The following RTL4 variants were observed in gnomAD, a reference collection of about 807,000 sequenced individuals.
RTL4 encodes retrotransposon Gag like 4.
A neutral mutation model predicts 5.3 loss-of-function variants in RTL4; 4 were observed. The observed-to-expected ratio is 0.75, with a 90% CI of 0.37 to 1.72. RTL4 has a LOEUF of 1.72. Among genes scored for constraint, RTL4 ranks in the 40% most tolerant of loss-of-function variants. RTL4 has a pLI of 0.04. For synonymous variants in RTL4, 98 were observed against 87.3 expected (o/e 1.12, Z -0.68); for missense variants, 260 against 227.1 (o/e 1.14, Z -0.93).
At chrX:112,113,022 T>C in the RTL4 span, among the ~76,000 whole-genome samples, 3 of 111,768 alleles carry the variant, frequency 2.7e-5, no homozygotes, top group African/African-American at 6.5e-5. Flanking sequence ...CCACTGACCT[T>C]TCAGTTTTTG....
the RTL4 span, among the ~76,000 whole-genome samples, chrX:112,232,505 A>T: frequency 1.8e-5 from 2 of 111,401 alleles, no homozygotes; most frequent in African/African-American, 6.5e-5. Flanking sequence ...AGTTTATTTG[A>T]CTCTTAGTGA....
At chrX:112,165,552 T>C in the RTL4 span, among the ~76,000 whole-genome samples, 2 of 111,812 alleles carry the variant, frequency 1.8e-5, no homozygotes, top group Non-Finnish European at 3.8e-5. Flanking sequence ...TGAAATCTTA[T>C]CCCCTGCAGA....
At chrX:112,087,925 C>T in the RTL4 span, among the ~76,000 whole-genome samples, 27 of 111,301 alleles carry the variant, frequency 2.4e-4, no homozygotes, top group African/African-American at 8.2e-4. Context: ...TCATCTTAAA[C>T]TATACAATTT....
At chrX:112,092,781 GCT>G in the RTL4 span, among the ~76,000 whole-genome samples, 1 of 110,910 alleles carries the variant, frequency 9.0e-6, no homozygotes, top group Non-Finnish European at 1.9e-5. Flanking sequence ...CTCTGCACAA[GCT>G]CTCTCTTTGC....
At chrX:112,095,776 G>A in the RTL4 span, among the ~76,000 whole-genome samples, 2 of 111,398 alleles carry the variant, frequency 1.8e-5, no homozygotes, top group African/African-American at 6.5e-5. Context: ...AAGAGTGGGT[G>A]GCTGAGGTAC....
chrX:112,354,904 G>T, the RTL4 span, among the ~76,000 whole-genome samples: 2 of 111,184 alleles, frequency 1.8e-5, no homozygotes, highest in Non-Finnish European at 3.8e-5. Flanking sequence ...AAACAACAAT[G>T]ACAACAGCAA....
the RTL4 span, among the ~76,000 whole-genome samples, chrX:112,308,803 A>G: frequency 1.8e-5 from 2 of 111,262 alleles, no homozygotes; most frequent in Non-Finnish European, 1.9e-5. Flanking sequence ...TAGAGCCAGT[A>G]TGGTTGAAAC....
chrX:112,113,804 A>T, the RTL4 span, among the ~76,000 whole-genome samples: 1 of 111,945 alleles, frequency 8.9e-6, no homozygotes, highest in Non-Finnish European at 1.9e-5. Context: ...ATAACAAGCC[A>T]CACCAGTTGA....
the RTL4 span, among the ~76,000 whole-genome samples, chrX:112,226,369 G>A: frequency 1.8e-5 from 2 of 111,925 alleles, no homozygotes; most frequent in South Asian, 7.5e-4. Flanking sequence ...ACTTCCAGCA[G>A]ATGTGTCTTT....
the RTL4 span, among the ~76,000 whole-genome samples, chrX:112,334,356 G>GT: frequency 9.0e-6 from 1 of 111,693 alleles, no homozygotes; most frequent in African/African-American, 3.3e-5. Context: ...ACAATTTTTA[G>GT]TTTTTTGATG....
chrX:112,341,606 G>A, the RTL4 span, among the ~76,000 whole-genome samples: 1 of 111,693 alleles, frequency 9.0e-6, no homozygotes, highest in Non-Finnish European at 1.9e-5. Context: ...CCTATATTCT[G>A]ACTTCATTGT....
chrX:112,190,139 C>CCTTTTCTTTCTTT, the RTL4 span, among the ~76,000 whole-genome samples: 1 of 77,130 alleles, frequency 1.3e-5, no homozygotes, highest in Non-Finnish European at 2.5e-5. Context: ...GTAGCCTGTC[C>CCTTTTCTTTCTTT]CTTTCTTTCT....
At chrX:112,216,895 C>T in the RTL4 span, among the ~76,000 whole-genome samples, 1 of 112,073 alleles carries the variant, frequency 8.9e-6, no homozygotes, top group Non-Finnish European at 1.9e-5. Flanking sequence ...AAGTCTTTGG[C>T]TTCTACATAC....
the RTL4 span, among the ~76,000 whole-genome samples, chrX:112,268,664 C>A: frequency 2.7e-5 from 3 of 111,547 alleles, no homozygotes; most frequent in Non-Finnish European, 5.7e-5. Context: ...TTTCTTCACA[C>A]AAAGGTACTA....
chrX:112,321,704 T>G, the RTL4 span, among the ~76,000 whole-genome samples: 24 of 111,744 alleles, frequency 2.1e-4, no homozygotes, highest in Admixed American at 7.6e-4. Flanking sequence ...CATAACCCTA[T>G]GAAGCGAGGA....
the RTL4 span, among the ~76,000 whole-genome samples, chrX:112,224,149 G>T: frequency 9.0e-6 from 1 of 110,793 alleles, no homozygotes; most frequent in Non-Finnish European, 1.9e-5. Context: ...CTGCTGGGCG[G>T]TCAGAAGCAG....
At chrX:112,127,786 A>G in the RTL4 span, among the ~76,000 whole-genome samples, 1 of 112,128 alleles carries the variant, frequency 8.9e-6, no homozygotes, top group South Asian at 3.7e-4. Flanking sequence ...ACTAAGCAAT[A>G]TGAAGAGTAA....
the RTL4 span, among the ~76,000 whole-genome samples, chrX:112,184,509 T>A: frequency 1.4e-3 from 158 of 112,308 alleles, 2 homozygotes; most frequent in East Asian, 0.033. Flanking sequence ...GGATTTCTAA[T>A]GCCCTCACTC....
At chrX:112,226,722 G>GAATACATGAATACATGAATACGT in the RTL4 span, among the ~76,000 whole-genome samples, 2 of 108,641 alleles carry the variant, frequency 1.8e-5, no homozygotes, top group African/African-American at 6.8e-5. Flanking sequence ...TCATGTATTT[G>GAATACATGAATACATGAATACGT]GCCTACACCA....
Sources: allele counts gnomAD v4.1 joint callset (sites outside exome capture counted in the v4.1 genomes callset), GRCh38; gene constraint gnomAD v4.1.1; transcripts MANE v1.5; gene names NCBI Gene and HGNC (gene_info 2026-07-23, HGNC 2026-07-21).